The following FAF1 variants were observed in gnomAD, a reference collection of about 807,000 sequenced individuals.
FAF1 encodes FAS-associated factor 1.
In FAF1, 25 loss-of-function variants were observed where a neutral mutation model predicts 92.5. That is an observed-to-expected ratio of 0.27 (90% CI 0.20 to 0.38). The LOEUF is 0.38. FAF1 is among the 10% of genes least tolerant of loss of function. FAF1 has a pLI of 1.00. For missense variants in FAF1, 636 were observed against 793.3 expected (o/e 0.80, Z 2.38); for synonymous variants, 234 against 273.2 (o/e 0.86, Z 1.42).
At chr1:50,912,691 A>C (rs1644894238) in intron 1 of FAF1, among the ~76,000 whole-genome samples, 1 of 152,208 alleles carries the variant, frequency 6.6e-6, no homozygotes, top group Non-Finnish European at 1.5e-5. Flanking sequence ...TACACTATGC[A>C]ATCTACTCAC....
chr1:50,877,208 T>A (rs572866483), intron 1 of FAF1, among the ~76,000 whole-genome samples: 29 of 152,304 alleles, frequency 1.9e-4, no homozygotes, highest in Admixed American at 5.9e-4. Flanking sequence ...TCAAGGTCAA[T>A]ATCAACAATG....
chr1:50,808,657 T>TAA (rs57362903), intron 2 of FAF1, among the ~76,000 whole-genome samples: 30 of 135,302 alleles, frequency 2.2e-4, no homozygotes, highest in South Asian at 1.4e-3. Context: ...AATAAAGATT[T>TAA]AAAAAAAAAA....
intron 18 of FAF1, among the ~76,000 whole-genome samples, chr1:50,454,169 G>A (rs1285642528): frequency 6.6e-6 from 1 of 152,210 alleles, no homozygotes; most frequent in Non-Finnish European, 1.5e-5. Flanking sequence ...CAGGGGGTAG[G>A]GGCTTGGCCC....
rs375823050 is a variant in FAF1, at chr1:50,447,801, T to C, written c.1870-6278A>G. 1.7e-4 allele frequency among the ~76,000 whole-genome samples: 26 copies of C among 152,298 alleles called. No homozygotes were observed. The South Asian group carries it at 4.4e-3, about 26-fold the overall frequency. ...GTTTCTCCAAGCTTTAGGAAATCCA[T>C]CCCTTCAGTTATAGACTATGTACTT... On this transcript the variant is annotated intron_variant, in intron 18 of 18. Transcript: ENST00000396153.
At chr1:50,740,527 C>T (rs147201928) in intron 5 of FAF1, among the ~76,000 whole-genome samples, 1 of 152,064 alleles carries the variant, frequency 6.6e-6, no homozygotes, top group East Asian at 1.9e-4. Flanking sequence ...AAAAGAAATA[C>T]ATAATTACCC....
chr1:50,788,110 G>A lies in FAF1; in HGVS notation c.257C>T (p.Pro86Leu). 1 of 1,614,092 alleles carries A rather than the reference G, an allele frequency of 6.2e-7. No individual in the cohort carries two copies. The highest frequency in any genetic ancestry group is 8.5e-7 in the Non-Finnish European group (1 of 1,179,976). The stretch of plus-strand genomic sequence containing the variant: ...TACAATCTGCCTGGATGGCATTACA[G>A]GTCGAAACGCTGAAGAAGAAGAGGA... ...PTSSSSSAFR[P>L]VMPSRQIVER... Residue 86 changes from proline (P) to leucine (L), a missense_variant, in exon 4 of 19, where the codon CCT becomes CTT. Coordinates refer to ENST00000396153, the MANE Select transcript of FAF1 (RefSeq NM_007051.3).
intron 4 of FAF1, among the ~76,000 whole-genome samples, chr1:50,762,320 A>T (rs990982266): frequency 3.3e-5 from 5 of 152,224 alleles, no homozygotes; most frequent in African/African-American, 1.2e-4. Flanking sequence ...GACTTTCTTC[A>T]CAGAATTGGA....
chr1:50,617,549 C>G (rs1033825948), intron 8 of FAF1, among the ~76,000 whole-genome samples: 2 of 152,096 alleles, frequency 1.3e-5, no homozygotes, highest in Non-Finnish European at 2.9e-5. Flanking sequence ...ATTCAGTTTG[C>G]TAGTATTTTA....
chr1:50,620,991 G>A (rs1280027876), intron 8 of FAF1, among the ~76,000 whole-genome samples: 1 of 152,250 alleles, frequency 6.6e-6, no homozygotes, highest in Admixed American at 6.5e-5. Context: ...GGAGCAGGGA[G>A]ATATGCCGCA....
chr1:50,446,240 A>G (rs1192786966), intron 18 of FAF1, among the ~76,000 whole-genome samples: 1 of 152,196 alleles, frequency 6.6e-6, no homozygotes, highest in East Asian at 1.9e-4. Context: ...CATGTGCAAC[A>G]CCCACAGAGT....
At chr1:50,603,402 T>C (rs1652237049) in intron 8 of FAF1, among the ~76,000 whole-genome samples, 1 of 152,208 alleles carries the variant, frequency 6.6e-6, no homozygotes, top group Non-Finnish European at 1.5e-5. Context: ...GAGTTTTCTA[T>C]TACATCACAT....
chr1:50,937,238 T>G (rs551521566), intron 1 of FAF1, among the ~76,000 whole-genome samples: 6 of 152,260 alleles, frequency 3.9e-5, no homozygotes, highest in African/African-American at 1.4e-4. Flanking sequence ...TCTACTGTAT[T>G]CCAGATCTCT....
At chr1:50,732,232 G>A (rs556904320) in intron 6 of FAF1, among the ~76,000 whole-genome samples, 228 of 151,792 alleles carry the variant, frequency 1.5e-3, no homozygotes, top group African/African-American at 5.1e-3. Flanking sequence ...CCGCCACCAC[G>A]CCTGGCTAAT....
chr1:50,531,364 CACAA>C (rs1321237686), intron 15 of FAF1, among the ~76,000 whole-genome samples: 3 of 152,226 alleles, frequency 2.0e-5, no homozygotes, highest in Admixed American at 6.5e-5. Context: ...ATAAATAGAT[CACAA>C]ACTAAGTATC....
chr1:50,900,378 G>A (rs973633824), intron 1 of FAF1, among the ~76,000 whole-genome samples: 2 of 152,052 alleles, frequency 1.3e-5, no homozygotes, highest in African/African-American at 2.4e-5. Context: ...GGGAAATTAA[G>A]GTGTTTTTTG....
chr1:50,459,200 T>C (rs1307870232), intron 18 of FAF1, among the ~76,000 whole-genome samples: 1 of 152,066 alleles, frequency 6.6e-6, no homozygotes, highest in Admixed American at 6.6e-5. Flanking sequence ...TCTCAAACTC[T>C]TGAGCTCAAG....
At chr1:50,729,045 TATATATATATA>T (rs1360253947) in intron 6 of FAF1, among the ~76,000 whole-genome samples, 1 of 83,298 alleles carries the variant, frequency 1.2e-5, no homozygotes, top group African/African-American at 5.4e-5. Context: ...TATATATATA[TATATATATATA>T]TATTTTTTTT....
chr1:50,711,692 C>A (rs1275371511), intron 6 of FAF1, among the ~76,000 whole-genome samples: 3 of 152,010 alleles, frequency 2.0e-5, no homozygotes, highest in Admixed American at 6.5e-5. Flanking sequence ...GTCTTGAACT[C>A]CTGACCTCGT....
intron 18 of FAF1, among the ~76,000 whole-genome samples, chr1:50,458,304 G>A (rs745819080): frequency 6.6e-6 from 1 of 152,128 alleles, no homozygotes; most frequent in Non-Finnish European, 1.5e-5. Context: ...CATAGTATGG[G>A]GAAAGGACCT....
Sources: allele counts gnomAD v4.1 joint callset (sites outside exome capture counted in the v4.1 genomes callset), GRCh38; gene constraint gnomAD v4.1.1; transcripts MANE v1.5; gene names NCBI Gene and HGNC (gene_info 2026-07-23, HGNC 2026-07-21).